Variants in IL7 observed in about 807,000 individuals in gnomAD.
IL7 encodes interleukin-7.
In IL7, 3 loss-of-function variants were observed where a neutral mutation model predicts 21.6. The ratio of observed to expected loss-of-function variants is 0.14; its 90% CI spans 0.06 to 0.36. The LOEUF (loss-of-function observed/expected upper bound fraction) is 0.36, where lower values mean the gene tolerates loss of function less well. Ranked by LOEUF, IL7 falls within the 10% of genes least tolerant of loss-of-function variation. IL7 has a pLI of 1.00. For synonymous variants in IL7, 62 were observed against 68.1 expected, an observed-to-expected ratio of 0.91 and a Z score of 0.44; for missense variants, 175 against 200.2, an observed-to-expected ratio of 0.87 and a Z score of 0.76.
downstream of IL7, chr8:78,717,423 G>A: frequency 6.2e-7 from 1 of 1,613,330 alleles, no homozygotes; most frequent in Non-Finnish European, 8.5e-7. Flanking sequence ...TGCCATGAGT[G>A]TGGGACTAAA....
At chr8:78,709,521 A>C (rs1266494418) in intron 3 of IL7, among the ~76,000 whole-genome samples, 1 of 152,100 alleles carries the variant, frequency 6.6e-6, no homozygotes, top group Non-Finnish European at 1.5e-5. Flanking sequence ...ATAGGGAGCT[A>C]ACTTTGCTGT....
intron 3 of IL7, chr8:78,697,568 A>G: frequency 2.4e-6 from 3 of 1,234,590 alleles, no homozygotes; most frequent in South Asian, 1.3e-5. Context: ...AGCAGGAAAT[A>G]AAGATAGTGG....
chr8:78,707,565 A>G (rs1810813008), intron 3 of IL7, among the ~76,000 whole-genome samples: 1 of 152,226 alleles, frequency 6.6e-6, no homozygotes, highest in African/African-American at 2.4e-5. Context: ...GATTTTGAGT[A>G]CAATAATTTT....
chr8:78,726,670 T>C (rs1164799225), intron 3 of IL7, among the ~76,000 whole-genome samples: 2 of 151,988 alleles, frequency 1.3e-5, no homozygotes, highest in Non-Finnish European at 2.9e-5. Context: ...TTACATGGTA[T>C]AATGTAGAGT....
At chr8:78,701,940 T>C (rs574061657) in intron 3 of IL7, among the ~76,000 whole-genome samples, 1 of 152,326 alleles carries the variant, frequency 6.6e-6, no homozygotes, top group East Asian at 1.9e-4. Flanking sequence ...GTTTCCTTTT[T>C]TGTTGTGTCT....
intron 2 of IL7, chr8:78,762,524 G>C (rs558301437): frequency 8.4e-6 from 7 of 836,198 alleles, no homozygotes; most frequent in Non-Finnish European, 1.6e-6. Flanking sequence ...GAGCCAGGCC[G>C]GCCGGCCGGC....
intron 3 of IL7, chr8:78,686,589 T>A (rs759562783): frequency 2.0e-6 from 3 of 1,523,066 alleles, no homozygotes; most frequent in East Asian, 2.4e-5. Context: ...CTCCTCCTCC[T>A]CCACCTTCTT....
chr8:78,752,452 A>T (rs749521699), intron 2 of IL7, among the ~76,000 whole-genome samples: 3 of 152,122 alleles, frequency 2.0e-5, no homozygotes, highest in Non-Finnish European at 4.4e-5. Flanking sequence ...TGTCTTTTTG[A>T]TAATAGCCAT....
chr8:78,796,771 T>C (rs1350912684), intron 2 of IL7, among the ~76,000 whole-genome samples: 1 of 152,002 alleles, frequency 6.6e-6, no homozygotes, highest in East Asian at 1.9e-4. Context: ...CTGGCGAAGA[T>C]GGAAGGCATT....
At chr8:78,786,868 G>A (rs1813525576) in intron 2 of IL7, among the ~76,000 whole-genome samples, 1 of 152,160 alleles carries the variant, frequency 6.6e-6, no homozygotes, top group Non-Finnish European at 1.5e-5. Context: ...TAAATAGAGG[G>A]TTGGGACTTT....
rs535662681 is a variant in IL7, at chr8:78,761,649, A to G, written c.148-21567T>C. On this transcript the variant is annotated intron_variant, in intron 2 of 5. Coordinates refer to ENST00000263851, the MANE Select transcript of IL7 (RefSeq NM_000880.4). ...ACTACATCGTCAGTGATAATGGAAA[A>G]GACGTGTGAGTCTCTCACTTCCCTG... 4 of 1,612,020 alleles carry G rather than the reference A, an allele frequency of 2.5e-6. No individual in the cohort carries two copies. The African/African-American group carries it at 5.3e-5, about 22-fold the overall frequency.
Position 78,759,401 on chromosome 8 carries a change from T to G in IL7, c.148-19319A>C, listed in dbSNP as rs182925555. ...ATCAAGATGAGGCAGTAGATAAGAG[T>G]CATGGAAAAAAGACAGAAAAAAAAA... On this transcript the variant is annotated intron_variant, in intron 2 of 5. Coordinates refer to ENST00000263851, the MANE Select transcript of IL7 (RefSeq NM_000880.4). 2.5e-3 allele frequency among the ~76,000 whole-genome samples: 367 copies of G among 145,012 alleles called. 2 individuals carry two copies. The highest frequency in any genetic ancestry group is 9.2e-3 in the African/African-American group (342 of 37,002).
intron 2 of IL7, among the ~76,000 whole-genome samples, chr8:78,753,136 T>C (rs1812230696): frequency 6.6e-6 from 1 of 152,216 alleles, no homozygotes; most frequent in Non-Finnish European, 1.5e-5. Flanking sequence ...TTTATAGTTC[T>C]AGATCCTTGA....
chr8:78,772,679 A>T (rs11782017), intron 2 of IL7, among the ~76,000 whole-genome samples: 6,707 of 152,304 alleles, frequency 0.044, 212 homozygotes, highest in Middle Eastern at 0.082. Flanking sequence ...CATATTTCTC[A>T]TCACAAAAAC....
At chr8:78,733,951 T>C in intron 5 of IL7, 119 bp from the exon 6 acceptor site, 1 of 661,320 alleles carries the variant, frequency 1.5e-6, no homozygotes, top group Non-Finnish European at 2.2e-6. Context: ...AAAGGTAGAA[T>C]CCTGTGTGAC....
rs138000597 is a variant in IL7 at position 78,697,419 on chromosome 8, G to A, written n.215-11472C>T. The A allele has an allele frequency of 3.5e-5, 56 of 1,595,540 alleles. No individual in the cohort carries two copies. Among genetic ancestry groups the A allele is most frequent in the African/African-American group, 1.4e-4 (10 of 73,518 alleles). ...TCCATTATTTTAGTATAAGCCACCC[G>A]CACTTAAAAAGTCAAATTCTCCTGG... On this transcript the variant is annotated intron_variant and non_coding_transcript_variant, in intron 3 of 4. Coordinates refer to the IL7 transcript ENST00000523959.
At chr8:78,745,128 TC>T (rs1811936104) in intron 2 of IL7, among the ~76,000 whole-genome samples, 1 of 152,218 alleles carries the variant, frequency 6.6e-6, no homozygotes, top group Non-Finnish European at 1.5e-5. Flanking sequence ...CCACTCCTTT[TC>T]TTTCAAGTTC....
At chr8:78,752,959 G>A (rs764733572) in intron 2 of IL7, among the ~76,000 whole-genome samples, 3 of 152,186 alleles carry the variant, frequency 2.0e-5, no homozygotes, top group Non-Finnish European at 4.4e-5. Context: ...ATTCCATGGT[G>A]TATATGTGCC....
chr8:78,797,883 G>T (rs1395815256), intron 2 of IL7, 189 bp downstream of exon 2: 2 of 451,024 alleles, frequency 4.4e-6, no homozygotes, highest in South Asian at 4.9e-5. Context: ...GTCGAGGAAA[G>T]AATTATTTTT....
Sources: allele counts gnomAD v4.1 joint callset (sites outside exome capture counted in the v4.1 genomes callset), GRCh38; gene constraint gnomAD v4.1.1; transcripts MANE v1.5; gene names NCBI Gene and HGNC (gene_info 2026-07-23, HGNC 2026-07-21).